TMEM132B: variants seen among roughly 807,000 people sequenced by gnomAD.
TMEM132B encodes the protein transmembrane protein 132B.
In TMEM132B, 18 loss-of-function variants were observed where a neutral mutation model predicts 90.8. The observed-to-expected ratio is 0.20, with a 90% CI of 0.14 to 0.29. TMEM132B has a LOEUF of 0.29. TMEM132B is among the 10% of genes least tolerant of loss of function. TMEM132B has a pLI of 1.00. For synonymous variants in TMEM132B, 504 were observed against 523.3 expected (o/e 0.96, Z 0.50); for missense variants, 1,096 against 1,326.8 (o/e 0.83, Z 2.70).
chr12:125,218,157 G>A (rs796349542), intron 1 of TMEM132B, among the ~76,000 whole-genome samples: 1 of 152,156 alleles, frequency 6.6e-6, no homozygotes, highest in African/African-American at 2.4e-5. Flanking sequence ...CTATAAGACT[G>A]GGGGAGTTGG....
chr12:125,484,446 C>T (rs78878022), intron 3 of TMEM132B, among the ~76,000 whole-genome samples: 9,333 of 152,114 alleles, frequency 0.061, 853 homozygotes, highest in African/African-American at 0.2. Flanking sequence ...GGGTGAGGAG[C>T]TGACCGATGG....
intron 4 of TMEM132B, 65 bp from the exon 5 acceptor site, chr12:125,583,786 C>T: frequency 6.3e-7 from 1 of 1,582,506 alleles, no homozygotes; most frequent in East Asian, 2.2e-5. Context: ...TGGTGGACAC[C>T]CCTCTCCTGC....
chr12:125,515,770 A>C (rs1282544838), intron 3 of TMEM132B, among the ~76,000 whole-genome samples: 2 of 151,898 alleles, frequency 1.3e-5, no homozygotes, highest in Non-Finnish European at 1.5e-5. Context: ...ATTCTCACAC[A>C]CATTTGCACA....
intron 4 of TMEM132B, among the ~76,000 whole-genome samples, chr12:125,548,633 A>G (rs1484631350): frequency 6.6e-6 from 1 of 152,242 alleles, no homozygotes; most frequent in Non-Finnish European, 1.5e-5. Context: ...TCCAGGGGAC[A>G]TGGTAAAGAT....
At chr12:125,248,193 C>A (rs1324161154) in intron 1 of TMEM132B, among the ~76,000 whole-genome samples, 3 of 152,178 alleles carry the variant, frequency 2.0e-5, no homozygotes, top group Non-Finnish European at 2.9e-5. Context: ...GACGGCTCTG[C>A]AATTCTGAGG....
intron 5 of TMEM132B, chr12:125,622,402 A>G (rs778238339): frequency 2.2e-5 from 20 of 894,694 alleles, no homozygotes; most frequent in African/African-American, 3.6e-5. Context: ...AAGAATCACA[A>G]TAAGTCACCA....
intron 1 of TMEM132B, among the ~76,000 whole-genome samples, chr12:125,214,617 G>T (rs1183343401): frequency 6.6e-6 from 1 of 152,198 alleles, no homozygotes; most frequent in Admixed American, 6.5e-5. Context: ...GGCAGGGCAT[G>T]GTTTCCAGGG....
At chr12:125,265,480 G>A (rs1394949475) in intron 1 of TMEM132B, among the ~76,000 whole-genome samples, 1 of 152,102 alleles carries the variant, frequency 6.6e-6, no homozygotes, top group African/African-American at 2.4e-5. Context: ...CGTACTCATC[G>A]ATTTTTGGAC....
At chr12:125,468,749 A>T (rs1404510941) in intron 3 of TMEM132B, among the ~76,000 whole-genome samples, 1 of 152,346 alleles carries the variant, frequency 6.6e-6, no homozygotes, top group Non-Finnish European at 1.5e-5. Context: ...CTTTCCATTT[A>T]GCCTTCTTTA....
chr12:125,453,754 T>C (rs1360060168), intron 3 of TMEM132B, among the ~76,000 whole-genome samples: 1 of 152,230 alleles, frequency 6.6e-6, no homozygotes, highest in African/African-American at 2.4e-5. Flanking sequence ...TATTCCTCTC[T>C]TGGAGATTTC....
Position 125,419,734 on chromosome 12 carries a change from C to G in TMEM132B, c.1106+4057C>G, listed in dbSNP as rs150885536. Among the ~76,000 whole-genome samples, 17 of 152,324 alleles carry G rather than the reference C, an allele frequency of 1.1e-4. No homozygotes were observed. In the South Asian group the frequency reaches 1.2e-3, roughly 11 times the overall value. On this transcript the variant is annotated intron_variant, in intron 3 of 8. Coordinates refer to ENST00000682704, the MANE Select transcript of TMEM132B (RefSeq NM_001366854.1). ...CTCACTTCAGCATTAACTCAAAAGT[C>G]CACAGTTCAAAGTCCTATCTGAGAC...
intron 4 of TMEM132B, among the ~76,000 whole-genome samples, chr12:125,555,154 C>T (rs73220936): frequency 0.014 from 2,189 of 152,222 alleles, 32 homozygotes; most frequent in Middle Eastern, 0.024. Flanking sequence ...GTTAAGGAAA[C>T]TTGGAAACTG....
intron 3 of TMEM132B, among the ~76,000 whole-genome samples, chr12:125,426,332 A>G (rs1390923897): frequency 1.3e-5 from 2 of 151,540 alleles, no homozygotes; most frequent in African/African-American, 4.9e-5. Flanking sequence ...AACTATTTTT[A>G]TTCTGTGGCT....
chr12:125,487,817 G>T (rs1293333314), intron 3 of TMEM132B, among the ~76,000 whole-genome samples: 1 of 152,140 alleles, frequency 6.6e-6, no homozygotes, highest in Non-Finnish European at 1.5e-5. Context: ...TCATCAAAAT[G>T]CTTTTCACCT....
intron 4 of TMEM132B, among the ~76,000 whole-genome samples, chr12:125,555,502 A>T (rs75315665): frequency 0.022 from 3,194 of 142,392 alleles, 109 homozygotes; most frequent in African/African-American, 0.076. Context: ...ACAAGTGCCC[A>T]GTACAGTGTT....
chr12:125,297,658 T>C (rs1466924958), intron 1 of TMEM132B, among the ~76,000 whole-genome samples: 1 of 152,188 alleles, frequency 6.6e-6, no homozygotes, highest in East Asian at 1.9e-4. Context: ...GGTGAGGTCC[T>C]AAATATTCAC....
rs561635301 is a variant in TMEM132B, at chr12:125,372,986, C to T, written c.959+22643C>T. 1.4e-4 allele frequency among the ~76,000 whole-genome samples: 21 copies of T among 152,350 alleles called. No homozygotes were observed. In the South Asian group the frequency reaches 4.4e-3, roughly 32 times the overall value. On this transcript the variant is annotated intron_variant, in intron 2 of 8. Coordinates refer to ENST00000682704, the MANE Select transcript of TMEM132B (RefSeq NM_001366854.1). ...GCCATTCATGGCTTACCTTGGATGT[C>T]CCCTTTTCCCCGACCATCCCTATGT...
At chr12:125,465,936 C>T (rs987075133) in intron 3 of TMEM132B, among the ~76,000 whole-genome samples, 1 of 152,186 alleles carries the variant, frequency 6.6e-6, no homozygotes, top group African/African-American at 2.4e-5. Context: ...TGGAAGCTTC[C>T]TGAGTCCCTC....
intron 3 of TMEM132B, among the ~76,000 whole-genome samples, chr12:125,431,495 G>A (rs940135439): frequency 2.0e-5 from 3 of 152,158 alleles, no homozygotes; most frequent in Non-Finnish European, 4.4e-5. Flanking sequence ...CTGGGATAAG[G>A]ACCGAGAAAT....
Sources: gnomAD v4.1 joint callset for allele counts (sites outside exome capture counted in the v4.1 genomes callset) on GRCh38, gnomAD v4.1.1 for gene constraint, MANE v1.5 for transcripts, NCBI Gene and HGNC (gene_info 2026-07-23, HGNC 2026-07-21) for gene names.